The following LRP1B variants were observed in gnomAD, a reference collection of about 807,000 sequenced individuals.
The protein encoded by LRP1B is low-density lipoprotein receptor-related protein 1B.
A neutral mutation model predicts 556.6 loss-of-function variants in LRP1B; 217 were observed. That is an observed-to-expected ratio of 0.39 (90% CI 0.35 to 0.44). The LOEUF is 0.44. Ranked by LOEUF, LRP1B falls within the 20% of genes least tolerant of loss-of-function variation. The pLI is 1.00. For synonymous variants in LRP1B, 2,047 were observed against 1,865.8 expected, an observed-to-expected ratio of 1.10 and a Z score of -2.50; for missense variants, 5,053 against 5,620.8, an observed-to-expected ratio of 0.90 and a Z score of 3.23.
At chr2:141,207,109 T>C (rs1310416761) in intron 6 of LRP1B, among the ~76,000 whole-genome samples, 1 of 152,168 alleles carries the variant, frequency 6.6e-6, no homozygotes, top group African/African-American at 2.4e-5. Flanking sequence ...TTTTATGTCG[T>C]TCTGGGTGTC....
intron 23 of LRP1B, among the ~76,000 whole-genome samples, chr2:140,896,055 C>T (rs142698828): frequency 4.5e-4 from 69 of 152,138 alleles, no homozygotes; most frequent in Non-Finnish European, 7.9e-4. Context: ...GGGGACCTCA[C>T]GGGGAACCTA....
At chr2:140,716,540 A>C in intron 36 of LRP1B, 142 bp downstream of exon 36, 1 of 775,986 alleles carries the variant, frequency 1.3e-6, no homozygotes, top group South Asian at 2.8e-5. Flanking sequence ...AGCGAAGCCA[A>C]AAGCAAAAGA....
At chr2:140,918,722 T>C (rs1258426373) in intron 21 of LRP1B, among the ~76,000 whole-genome samples, 1 of 152,100 alleles carries the variant, frequency 6.6e-6, no homozygotes, top group African/African-American at 2.4e-5. Flanking sequence ...TGTGATGGTA[T>C]TGGGAGGTTT....
intron 3 of LRP1B, among the ~76,000 whole-genome samples, chr2:141,263,454 T>A (rs1466327533): frequency 6.6e-6 from 1 of 152,068 alleles, no homozygotes; most frequent in African/African-American, 2.4e-5. Flanking sequence ...CCAAAGCTCA[T>A]TCAAGAAGAA....
chr2:141,739,787 T>C (rs1462180648), intron 2 of LRP1B, among the ~76,000 whole-genome samples: 1 of 151,890 alleles, frequency 6.6e-6, no homozygotes, highest in African/African-American at 2.4e-5. Context: ...ATGCATGGAC[T>C]CAGCCAAATC....
intron 3 of LRP1B, among the ~76,000 whole-genome samples, chr2:141,406,285 A>T (rs772855526): frequency 1.3e-5 from 2 of 152,118 alleles, no homozygotes; most frequent in Non-Finnish European, 2.9e-5. Context: ...ACAAAAAATG[A>T]TAATATGGAG....
chr2:140,855,037 T>A (rs1692572102), intron 27 of LRP1B, among the ~76,000 whole-genome samples: 1 of 152,134 alleles, frequency 6.6e-6, no homozygotes, highest in South Asian at 2.1e-4. Context: ...ACTGATGAAA[T>A]ATAGAACCTT....
In LRP1B at chr2:140,832,259, G is replaced by A. The variant is rs553089763; in HGVS notation, c.5209+7732C>T. Among the ~76,000 whole-genome samples the A allele has an allele frequency of 4.6e-5, 7 of 152,230 alleles. No homozygotes were observed. The South Asian group carries it at 1.5e-3, about 32-fold the overall frequency. On this transcript the variant is annotated intron_variant, in intron 31 of 90. Coordinates refer to ENST00000389484, the MANE Select transcript of LRP1B (RefSeq NM_018557.3). ...CTTCAGGGTGGACTCCACAATCTGA[G>A]TATGTGTGGATTTTGGTATATGTGG...
At chr2:141,499,769 T>C (rs986141781) in intron 2 of LRP1B, among the ~76,000 whole-genome samples, 3 of 152,080 alleles carry the variant, frequency 2.0e-5, no homozygotes, top group African/African-American at 7.2e-5. Flanking sequence ...AAGTTTTAAT[T>C]TGAAATAAAA....
rs1235775818 is a variant in LRP1B at position 141,134,478 on chromosome 2, T to G, written c.1013+53943A>C. Among the ~76,000 whole-genome samples, 2 of 151,854 alleles carry G rather than the reference T, an allele frequency of 1.3e-5. 1 individual carries two copies. The highest frequency in any genetic ancestry group is 4.8e-5 in the African/African-American group (2 of 41,384). On this transcript the variant is annotated intron_variant, in intron 7 of 90. Coordinates refer to ENST00000389484, the MANE Select transcript of LRP1B (RefSeq NM_018557.3). Reference sequence around the variant, plus strand: ...ATTTGCATTTAACATCCCCTATGGGTACACTCCTCTTCCAACTGTCTTATG... The same window carrying G: ...ATTTGCATTTAACATCCCCTATGGGGACACTCCTCTTCCAACTGTCTTATG...
At chr2:141,957,862 G>A (rs1053982549) in intron 1 of LRP1B, among the ~76,000 whole-genome samples, 7 of 152,052 alleles carry the variant, frequency 4.6e-5, no homozygotes, top group African/African-American at 1.7e-4. Flanking sequence ...CAAAATAACT[G>A]TGATTATCAC....
At chr2:140,465,936 A>T (rs1052845853) in intron 60 of LRP1B, among the ~76,000 whole-genome samples, 1 of 152,028 alleles carries the variant, frequency 6.6e-6, no homozygotes. Context: ...AAACAGCAGC[A>T]CATCAACACC....
At chr2:140,722,977 T>C (rs1687468509) in intron 35 of LRP1B, among the ~76,000 whole-genome samples, 1 of 151,980 alleles carries the variant, frequency 6.6e-6, no homozygotes, top group Admixed American at 6.5e-5. Context: ...CGGGAGGCAG[T>C]GATTGCAGTG....
At chr2:140,913,273 A>C (rs1694476448) in intron 21 of LRP1B, among the ~76,000 whole-genome samples, 1 of 151,912 alleles carries the variant, frequency 6.6e-6, no homozygotes, top group Non-Finnish European at 1.5e-5. Flanking sequence ...GGGAAGACAA[A>C]TTCCTGACCT....
intron 3 of LRP1B, among the ~76,000 whole-genome samples, chr2:141,474,058 T>TG (rs1682606790): frequency 7.8e-6 from 1 of 127,650 alleles, no homozygotes. Flanking sequence ...CCTTCCTTCC[T>TG]CCCTCCCTCC....
chr2:142,118,197 C>A (rs1247346959), intron 1 of LRP1B, among the ~76,000 whole-genome samples: 1 of 152,078 alleles, frequency 6.6e-6, no homozygotes, highest in African/African-American at 2.4e-5. Context: ...TTGCACTCAA[C>A]TCTCACTTAC....
intron 41 of LRP1B, among the ~76,000 whole-genome samples, chr2:140,620,764 G>A (rs1353221960): frequency 1.3e-5 from 2 of 151,942 alleles, no homozygotes; most frequent in African/African-American, 2.4e-5. Flanking sequence ...TTTGAGAGAA[G>A]AAACATGAAA....
chr2:140,571,196 A>G (rs1291404992), intron 43 of LRP1B, among the ~76,000 whole-genome samples: 1 of 151,838 alleles, frequency 6.6e-6, no homozygotes, highest in Admixed American at 6.6e-5. Context: ...AAAGGCATCA[A>G]AATTGGAAAC....
At chr2:141,484,469 C>T (rs1683043722) in intron 2 of LRP1B, among the ~76,000 whole-genome samples, 1 of 151,836 alleles carries the variant, frequency 6.6e-6, no homozygotes, top group South Asian at 2.1e-4. Flanking sequence ...TCCATATGAA[C>T]TTTAAAGTAG....
Sources: allele counts gnomAD v4.1 joint callset (sites outside exome capture counted in the v4.1 genomes callset), GRCh38; gene constraint gnomAD v4.1.1; transcripts MANE v1.5; gene names NCBI Gene and HGNC (gene_info 2026-07-23, HGNC 2026-07-21).